Variants in TG observed in about 807,000 individuals in gnomAD.
The protein encoded by TG is thyroid hormones.
A neutral mutation model predicts 324.7 loss-of-function variants in TG; 270 were observed. That is an observed-to-expected ratio of 0.83 (90% CI 0.75 to 0.92). TG has a LOEUF of 0.92. TG is among the 40% of genes least tolerant of loss of function. The pLI is 0.00. For missense variants in TG, 3,591 were observed against 3,456.4 expected (o/e 1.04, Z -0.98); for synonymous variants, 1,401 against 1,327.0 (o/e 1.06, Z -1.21).
In TG at chr8:132,935,758, A is replaced by G; in HGVS notation, c.4935A>G (p.Lys1645=). Reference sequence around the variant, plus strand: ...ATGCAGCATCTTTCCATCTCCAGAAACGAGATGCACTGGGGAACTCAAAGG... The same window carrying G: ...ATGCAGCATCTTTCCATCTCCAGAAGCGAGATGCACTGGGGAACTCAAAGG... ...DNVACMTSDQ[K]RDALGNSKAT... is the part of the protein sequence containing the mutation. Residue 1645 remains lysine (K), a splice_region_variant and synonymous_variant, in exon 25 of 48, where the codon AAA becomes AAG. Coordinates refer to ENST00000220616, the MANE Select transcript of TG (RefSeq NM_003235.5). The G allele has an allele frequency of 6.2e-7, 1 of 1,610,926 alleles. No individual in the cohort carries two copies. The highest frequency in any genetic ancestry group is 1.1e-5 in the South Asian group (1 of 90,996).
chr8:133,065,074 TC>T (rs1391568355), intron 41 of TG, among the ~76,000 whole-genome samples: 3 of 152,148 alleles, frequency 2.0e-5, no homozygotes, highest in Non-Finnish European at 4.4e-5. Context: ...ATAAGCCCAT[TC>T]ATATAACCTT....
chr8:132,983,426 C>A lies in TG; in HGVS notation c.6262+14C>A. ...TCACAGAGAAAGGTAAGTTCATTGT[C>A]TTTTTATCTCTTGGATGAGAGTACC... is the stretch of plus-strand genomic sequence containing the variant. On this transcript the variant is annotated intron_variant, in intron 35 of 47. Transcript: ENST00000220616. 1 of 1,611,402 alleles carries A rather than the reference C, an allele frequency of 6.2e-7. No individual in the cohort carries two copies.
rs577479740 is a variant in TG at position 132,888,341 on chromosome 8, T to A, written c.2534T>A (p.Val845Asp). ...VLSQYPSLQDVPLAALEGKRP... is the reference protein window; with the variant it reads ...VLSQYPSLQDDPLAALEGKRP... The stretch of plus-strand genomic sequence containing the variant: ...TCACAATACCCTTCTCTGCAAGATG[T>A]CCCACTAGCAGCACTGGAAGGGAAA... Residue 845 changes from valine (V) to aspartate (D), a missense_variant, in exon 10 of 48, where the codon GTC (valine) becomes GAC (aspartate). Coordinates refer to ENST00000220616, the MANE Select transcript of TG (RefSeq NM_003235.5). 4 of 1,614,070 alleles carry A rather than the reference T, an allele frequency of 2.5e-6. No individual in the cohort carries two copies. In the South Asian group the frequency reaches 4.4e-5, roughly 18 times the overall value.
intron 10 of TG, among the ~76,000 whole-genome samples, chr8:132,892,102 C>A (rs75672331): frequency 0.035 from 5,364 of 152,268 alleles, 217 homozygotes; most frequent in African/African-American, 0.092. Flanking sequence ...CCTGGTCGCA[C>A]AACTAATAAA....
intron 46 of TG, among the ~76,000 whole-genome samples, chr8:133,133,022 G>A (rs1215328829): frequency 6.6e-6 from 1 of 152,200 alleles, no homozygotes; most frequent in Non-Finnish European, 1.5e-5. Context: ...AGTTTGGGAA[G>A]GAGCCTTTAT....
intron 41 of TG, among the ~76,000 whole-genome samples, chr8:133,075,427 G>T (rs555055542): frequency 6.6e-6 from 1 of 152,284 alleles, no homozygotes; most frequent in South Asian, 2.1e-4. Flanking sequence ...GAGACACAAT[G>T]ACTTGGTGCC....
chr8:132,965,344 T>C (rs1828394437), intron 29 of TG, among the ~76,000 whole-genome samples: 1 of 152,216 alleles, frequency 6.6e-6, no homozygotes, highest in Non-Finnish European at 1.5e-5. Context: ...CCTTGTCCAG[T>C]GGTTCTTTCT....
chr8:133,112,206 C>T (rs1052744825), intron 43 of TG, among the ~76,000 whole-genome samples: 1 of 152,252 alleles, frequency 6.6e-6, no homozygotes, highest in African/African-American at 2.4e-5. Context: ...TGATGGAATT[C>T]TAATCACATT....
At chr8:132,971,110 A>G (rs1227789044) in intron 32 of TG, among the ~76,000 whole-genome samples, 5 of 152,150 alleles carry the variant, frequency 3.3e-5, no homozygotes, top group Non-Finnish European at 5.9e-5. Context: ...GAAACTTGGA[A>G]TTGACCCCAG....
chr8:133,025,422 T>A (rs550731239), intron 40 of TG, among the ~76,000 whole-genome samples: 6 of 152,350 alleles, frequency 3.9e-5, no homozygotes, highest in African/African-American at 1.4e-4. Context: ...TAGATTTTAT[T>A]ATTTAGACCT....
chr8:132,901,830 G>T lies in TG; in HGVS notation c.3634+277G>T, dbSNP rs555104167. Reference sequence around the variant, plus strand: ...GGGCTGTCCTGCCCGGGAGTTTTGGGTCTTATTCTCTGTGTCTTCAGATGG... The same window carrying T: ...GGGCTGTCCTGCCCGGGAGTTTTGGTTCTTATTCTCTGTGTCTTCAGATGG... On this transcript the variant is annotated intron_variant, in intron 16 of 47. Coordinates refer to ENST00000220616, the MANE Select transcript of TG (RefSeq NM_003235.5). 2.6e-5 allele frequency among the ~76,000 whole-genome samples: 4 copies of T among 152,276 alleles called. No homozygotes were observed. The South Asian group carries it at 8.3e-4, about 32-fold the overall frequency.
Position 132,906,885 on chromosome 8 carries a change from C to A in TG, c.3832C>A (p.Pro1278Thr). 5 of 1,612,502 alleles carry A rather than the reference C, an allele frequency of 3.1e-6. No homozygotes were observed. The highest frequency in any genetic ancestry group is 4.2e-6 in the Non-Finnish European group (5 of 1,179,410). Residue 1278 changes from proline (P) to threonine (T), a missense_variant, in exon 17 of 48, where the codon CCC (proline) becomes ACC (threonine). Coordinates refer to ENST00000220616, the MANE Select transcript of TG (RefSeq NM_003235.5). The part of the protein sequence containing the change: ...SGRWESQLPQ[P>T]RACQRPQLWQ... ...ACGCTGGGAGTCACAGCTGCCTCAGCCCCGGGCCTGCCAACGTGAGTGGCA... is the reference window on the plus strand; with the variant it reads ...ACGCTGGGAGTCACAGCTGCCTCAGACCCGGGCCTGCCAACGTGAGTGGCA...
intron 24 of TG, among the ~76,000 whole-genome samples, chr8:132,933,942 C>T (rs1823178037): frequency 6.6e-6 from 1 of 152,140 alleles, no homozygotes; most frequent in Admixed American, 6.5e-5. Flanking sequence ...AACCACCTGC[C>T]CCATCAGGCA....
At chr8:133,037,474 C>T (rs1837302361) in intron 41 of TG, 1 of 152,184 alleles carries the variant, frequency 6.6e-6, no homozygotes, top group South Asian at 2.1e-4. Flanking sequence ...CCAGCCAGCC[C>T]TTCCACTCTG....
At chr8:133,009,468 G>A (rs1834308019) in intron 35 of TG, among the ~76,000 whole-genome samples, 1 of 152,012 alleles carries the variant, frequency 6.6e-6, no homozygotes, top group Non-Finnish European at 1.5e-5. Context: ...TGCCGGGCCT[G>A]GGTGAAACAT....
At chr8:133,088,218 A>G (rs1256951944) in intron 41 of TG, among the ~76,000 whole-genome samples, 5 of 152,066 alleles carry the variant, frequency 3.3e-5, no homozygotes, top group Non-Finnish European at 7.4e-5. Flanking sequence ...TTTGAGCCCT[A>G]TGGCATTCCT....
At chr8:133,063,349 C>G (rs1437731951) in intron 41 of TG, among the ~76,000 whole-genome samples, 1 of 151,624 alleles carries the variant, frequency 6.6e-6, no homozygotes, top group Non-Finnish European at 1.5e-5. Context: ...TGTCTGATCT[C>G]TCCCCTCCTT....
chr8:132,884,607 A>G (rs935653572), intron 8 of TG, among the ~76,000 whole-genome samples: 8 of 152,220 alleles, frequency 5.3e-5, no homozygotes, highest in Non-Finnish European at 1.2e-4. Flanking sequence ...GAAAATTTGG[A>G]GACACTTTCT....
chr8:133,067,842 CAG>C (rs1209031571), intron 41 of TG, among the ~76,000 whole-genome samples: 46 of 126,888 alleles, frequency 3.6e-4, no homozygotes, highest in African/African-American at 8.7e-4. Flanking sequence ...GAGAGAGAGA[CAG>C]AGAGAGAGAG....
Sources: allele counts gnomAD v4.1 joint callset (sites outside exome capture counted in the v4.1 genomes callset), GRCh38; gene constraint gnomAD v4.1.1; transcripts MANE v1.5; gene names NCBI Gene and HGNC (gene_info 2026-07-23, HGNC 2026-07-21).